The following IDI1 variants were observed in gnomAD, a reference collection of about 807,000 sequenced individuals.
IDI1 encodes the protein isopentenyl-diphosphate delta isomerase 1, also known as isopentenyl-diphosphate Delta-isomerase 1.
IDI1 carries 23 observed loss-of-function variants against 32.9 expected under a neutral mutation model. That is an observed-to-expected ratio of 0.70 (90% CI 0.50 to 0.99). IDI1 has a LOEUF of 0.99. IDI1 is among the 50% of genes least tolerant of loss of function. The probability of loss-of-function intolerance (pLI) is 0.00; values close to 1 mark genes in which losing one functional copy is unlikely to be tolerated. For missense variants in IDI1, 326 were observed against 351.9 expected (o/e 0.93, Z 0.59); for synonymous variants, 133 against 128.2 (o/e 1.04, Z -0.25).
At chr10:1,048,192 T>C in intron 1 of IDI1, 1 of 1,254,132 alleles carries the variant, frequency 8.0e-7, no homozygotes, top group Non-Finnish European at 1.1e-6. Context: ...ATTTTCAGAA[T>C]TCAGATTTTA....
chr10:1,050,661 G>A (rs529080866), upstream of IDI1, among the ~76,000 whole-genome samples: 1 of 152,298 alleles, frequency 6.6e-6, no homozygotes, highest in South Asian at 2.1e-4. Flanking sequence ...CACAAAGAGG[G>A]AACCAGCCCT....
chr10:1,053,494 C>CA (rs1193362946), upstream of IDI1, among the ~76,000 whole-genome samples: 16 of 152,326 alleles, frequency 1.1e-4, no homozygotes, highest in African/African-American at 3.6e-4. Flanking sequence ...ACAGACCACT[C>CA]AGAGTTTCTC....
At chr10:1,055,159 T>A in the IDI1 span, among the ~76,000 whole-genome samples, 1 of 152,236 alleles carries the variant, frequency 6.6e-6, no homozygotes, top group Non-Finnish European at 1.5e-5. Flanking sequence ...ATGCCAGCCT[T>A]TAGTCTTTGC....
Position 1,043,995 on chromosome 10 carries a change from G to C in IDI1, c.313+4C>G. ...TTACAAGAAAGACTGTTTCAAAGCAGCACCTTTCTCAATGTTCTCGTTCAG... is the reference window on the plus strand; with the variant it reads ...TTACAAGAAAGACTGTTTCAAAGCACCACCTTTCTCAATGTTCTCGTTCAG... On this transcript the variant is annotated splice_donor_region_variant and intron_variant, in intron 2 of 4. Transcript: ENST00000381344. 6.2e-7 allele frequency: 1 copy of C among 1,608,856 alleles called. No homozygotes were observed. Among genetic ancestry groups the C allele is most frequent in the East Asian group, 2.2e-5 (1 of 44,856 alleles).
the IDI1 span, among the ~76,000 whole-genome samples, chr10:1,054,749 A>T: frequency 2.6e-5 from 4 of 152,260 alleles, no homozygotes; most frequent in Admixed American, 2.6e-4. Flanking sequence ...TCATGTGTTA[A>T]AGACCTCACT....
chr10:1,041,927 T>G (rs1197617367), intron 4 of IDI1, among the ~76,000 whole-genome samples: 2 of 151,642 alleles, frequency 1.3e-5, no homozygotes, highest in African/African-American at 4.8e-5. Context: ...TGCCTCAGCC[T>G]CCTGAGTAGC....
Position 1,048,856 on chromosome 10 carries a change from C to G in IDI1, c.140+8G>C. 6.2e-7 allele frequency: 1 copy of G among 1,605,730 alleles called. No individual in the cohort carries two copies. The highest frequency in any genetic ancestry group is 8.5e-7 in the Non-Finnish European group (1 of 1,177,180). On this transcript the variant is annotated splice_region_variant and intron_variant, in intron 1 of 4. Transcript: ENST00000381344. The stretch of plus-strand genomic sequence containing the variant: ...TGTCTCCCGAACTCCGCCGCCCGTC[C>G]ACAGTACCTGATCAGCCTCCGGCCA...
At position 1,040,400 on chromosome 10, in the gene IDI1, A is replaced by G. The variant is rs1365435762; in HGVS notation, c.*787T>C. The stretch of plus-strand genomic sequence containing the variant: ...GCACAGACCCCACCACAGGGGTTTT[A>G]TCCAGCCCAAATGTCAACAGTGTCA... On this transcript the variant is annotated 3_prime_UTR_variant, in exon 5 of 5. Coordinates refer to ENST00000381344, the MANE Select transcript of IDI1 (RefSeq NM_004508.4). 1 of 152,278 alleles carries G rather than the reference A, an allele frequency of 6.6e-6. No individual in the cohort carries two copies. Among genetic ancestry groups the G allele is most frequent in the East Asian group, 1.9e-4 (1 of 5,200 alleles). 9.4% of individuals were successfully genotyped at this position (152,278 alleles called of 1,614,324 possible).
chr10:1,048,702 C>T (rs1014541602), intron 1 of IDI1, 162 bp downstream of exon 1: 1 of 1,418,004 alleles, frequency 7.1e-7, no homozygotes, highest in Non-Finnish European at 9.1e-7. Context: ...GCCCGGCCTC[C>T]CTCCAGTTCG....
intron 1 of IDI1, chr10:1,048,647 C>G (rs1832878300): frequency 7.1e-7 from 1 of 1,411,166 alleles, no homozygotes; most frequent in Non-Finnish European, 9.2e-7. Flanking sequence ...CCGACTCACG[C>G]CTCCGCCTTC....
chr10:1,052,886 C>T (rs569911465), upstream of IDI1, among the ~76,000 whole-genome samples: 17 of 152,238 alleles, frequency 1.1e-4, no homozygotes, highest in Non-Finnish European at 1.9e-4. Flanking sequence ...CAGTCCTGGG[C>T]GGCATCTTTT....
chr10:1,044,117 G>A lies in IDI1; in HGVS notation c.195C>T (p.His65=), dbSNP rs1205751242. 24 of 1,613,634 alleles carry A rather than the reference G, an allele frequency of 1.5e-5. No individual in the cohort carries two copies. The highest frequency in any genetic ancestry group is 1.9e-5 in the Non-Finnish European group (22 of 1,179,678). Residue 65 remains histidine (H), a synonymous_variant, in exon 2 of 5, where the codon CAC becomes CAT. Coordinates refer to ENST00000381344, the MANE Select transcript of IDI1 (RefSeq NM_004508.4). ...FVMMPEINTN[H]LDKQQVQLLA... Reference sequence around the variant, plus strand: ...GGAGTTGAACCTGTTGCTTGTCGAGGTGGTTAGTGTTTATTTCAGGCATCA... The same window carrying A: ...GGAGTTGAACCTGTTGCTTGTCGAGATGGTTAGTGTTTATTTCAGGCATCA...
At chr10:1,051,879 A>T (rs1833022636), upstream of IDI1, among the ~76,000 whole-genome samples, 1 of 152,156 alleles carries the variant, frequency 6.6e-6, no homozygotes, top group African/African-American at 2.4e-5. Flanking sequence ...AACCACAGGA[A>T]AACTTTTTTT....
chr10:1,048,040 C>G (rs987945972), intron 1 of IDI1, among the ~76,000 whole-genome samples: 3 of 152,070 alleles, frequency 2.0e-5, no homozygotes, highest in African/African-American at 7.2e-5. Context: ...GGGGATGGGG[C>G]TGGGTCTTGC....
chr10:1,049,160 A>G (rs1225069548), upstream of IDI1: 1 of 1,211,794 alleles, frequency 8.3e-7, no homozygotes, highest in Non-Finnish European at 1.1e-6. Flanking sequence ...GGGGGTCAAC[A>G]CGCCCCACCC....
intron 4 of IDI1, 26 bp downstream of exon 4, chr10:1,042,606 T>C (rs1832641710): frequency 1.2e-6 from 2 of 1,612,386 alleles, no homozygotes; most frequent in Non-Finnish European, 1.7e-6. Flanking sequence ...TTTCAGCTTG[T>C]ATGGTTGTGT....
At chr10:1,042,610 G>C in intron 4 of IDI1, 22 bp downstream of exon 4, 5 of 1,612,686 alleles carry the variant, frequency 3.1e-6, no homozygotes, top group Non-Finnish European at 4.2e-6. Context: ...AGCTTGTATG[G>C]TTGTGTAGGA....
At chr10:1,047,879 T>C (rs1371641596) in intron 1 of IDI1, among the ~76,000 whole-genome samples, 2 of 152,198 alleles carry the variant, frequency 1.3e-5, no homozygotes, top group African/African-American at 4.8e-5. Context: ...ACAGATGAAA[T>C]TTTTTTCCAA....
At chr10:1,049,661 ATTTT>A (rs3053722), upstream of IDI1, 1 of 150,328 alleles carries the variant, frequency 6.7e-6, no homozygotes, top group East Asian at 1.9e-4. Flanking sequence ...TACGTTCTAA[ATTTT>A]TTTTTTTTGA....
Sources: allele counts gnomAD v4.1 joint callset (sites outside exome capture counted in the v4.1 genomes callset), GRCh38; gene constraint gnomAD v4.1.1; transcripts MANE v1.5; gene names NCBI Gene and HGNC (gene_info 2026-07-23, HGNC 2026-07-21).